Variants in SLC24A2 observed in about 807,000 individuals in gnomAD.
SLC24A2 encodes the protein solute carrier family 24 member 2.
Under a neutral mutation model 62.0 loss-of-function variants are expected in SLC24A2, and 36 were observed. The observed-to-expected ratio is 0.58, with a 90% CI of 0.44 to 0.77. The LOEUF (loss-of-function observed/expected upper bound fraction) is 0.77. SLC24A2 is among the 30% of genes least tolerant of loss of function. The pLI is 0.00. For synonymous variants in SLC24A2, 358 were observed against 294.0 expected (o/e 1.22, Z -2.23); for missense variants, 846 against 817.9 (o/e 1.03, Z -0.42).
chr9:19,941,899 G>C, the SLC24A2 span, among the ~76,000 whole-genome samples: 14 of 152,064 alleles, frequency 9.2e-5, no homozygotes, highest in African/African-American at 3.4e-4. Context: ...TTTGTGGCCT[G>C]TGTATGTGCA....
the SLC24A2 span, among the ~76,000 whole-genome samples, chr9:20,100,240 T>C: frequency 6.6e-6 from 1 of 152,100 alleles, no homozygotes; most frequent in Non-Finnish European, 1.5e-5. Flanking sequence ...TGTTTTGTTT[T>C]TGTAGAGACA....
At chr9:19,750,562 G>A (rs1821953297) in intron 2 of SLC24A2, among the ~76,000 whole-genome samples, 1 of 151,864 alleles carries the variant, frequency 6.6e-6, no homozygotes, top group South Asian at 2.1e-4. Context: ...ACAGCAAAAG[G>A]GTCTGAACTG....
At chr9:20,189,361 G>C in the SLC24A2 span, among the ~76,000 whole-genome samples, 1 of 152,150 alleles carries the variant, frequency 6.6e-6, no homozygotes, top group Non-Finnish European at 1.5e-5. Flanking sequence ...TGGAGGCTTG[G>C]TGGGGAAAGC....
the SLC24A2 span, among the ~76,000 whole-genome samples, chr9:19,795,135 G>T: frequency 1.3e-5 from 2 of 152,180 alleles, no homozygotes; most frequent in African/African-American, 4.8e-5. Flanking sequence ...GCTCGGTTGT[G>T]GAGAGGGGTC....
the SLC24A2 span, among the ~76,000 whole-genome samples, chr9:20,077,199 G>A: frequency 1.3e-5 from 2 of 151,970 alleles, no homozygotes; most frequent in Non-Finnish European, 2.9e-5. Flanking sequence ...GATATGTAGG[G>A]TGAAGGAGTC....
At chr9:19,860,992 C>A in the SLC24A2 span, among the ~76,000 whole-genome samples, 1 of 152,094 alleles carries the variant, frequency 6.6e-6, no homozygotes, top group East Asian at 1.9e-4. Context: ...CTGGACCCAC[C>A]CAGGGCCTAG....
At chr9:19,807,870 G>A in the SLC24A2 span, among the ~76,000 whole-genome samples, 1 of 151,960 alleles carries the variant, frequency 6.6e-6, no homozygotes, top group South Asian at 2.1e-4. Context: ...CTCGTTTTTT[G>A]TTTGTTTGTT....
chr9:19,826,045 A>G, the SLC24A2 span, among the ~76,000 whole-genome samples: 1 of 152,068 alleles, frequency 6.6e-6, no homozygotes, highest in Non-Finnish European at 1.5e-5. Flanking sequence ...CTCCTTGCTC[A>G]GGGGATGGAA....
chr9:19,832,403 C>T, the SLC24A2 span, among the ~76,000 whole-genome samples: 334 of 152,226 alleles, frequency 2.2e-3, no homozygotes, highest in Non-Finnish European at 3.6e-3. Context: ...TGATTAGTAA[C>T]GGATTCTGTC....
At chr9:19,542,060 C>T (rs535350757) in intron 8 of SLC24A2, among the ~76,000 whole-genome samples, 10 of 152,186 alleles carry the variant, frequency 6.6e-5, no homozygotes, top group South Asian at 2.1e-4. Context: ...CGCCCTGCTT[C>T]GGCTCGCGCA....
At chr9:20,057,931 A>G in the SLC24A2 span, among the ~76,000 whole-genome samples, 1 of 152,184 alleles carries the variant, frequency 6.6e-6, no homozygotes, top group Non-Finnish European at 1.5e-5. Flanking sequence ...TAGGCTATCA[A>G]AACTATTCCC....
At chr9:20,054,710 G>A in the SLC24A2 span, among the ~76,000 whole-genome samples, 5 of 152,186 alleles carry the variant, frequency 3.3e-5, no homozygotes, top group Admixed American at 6.5e-5. Context: ...ATAGGGTAAA[G>A]CTGTGTGAAT....
At chr9:20,030,194 T>C in the SLC24A2 span, among the ~76,000 whole-genome samples, 5 of 152,204 alleles carry the variant, frequency 3.3e-5, no homozygotes, top group Non-Finnish European at 7.3e-5. Flanking sequence ...ATTGAGTGAC[T>C]TGGCAATGGA....
intron 4 of SLC24A2, among the ~76,000 whole-genome samples, chr9:19,598,212 G>T (rs189085579): frequency 1.3e-5 from 2 of 152,248 alleles, no homozygotes; most frequent in African/African-American, 4.8e-5. Flanking sequence ...TATATTTTCT[G>T]GTCATAACAC....
the SLC24A2 span, among the ~76,000 whole-genome samples, chr9:20,234,316 G>C: frequency 6.6e-6 from 1 of 152,230 alleles, no homozygotes; most frequent in African/African-American, 2.4e-5. Context: ...ATATCCTGCA[G>C]AGTGTTTTCC....
chr9:20,282,155 A>C, the SLC24A2 span, among the ~76,000 whole-genome samples: 1 of 152,190 alleles, frequency 6.6e-6, no homozygotes, highest in African/African-American at 2.4e-5. Context: ...ACAAAAGGGA[A>C]AACAAATAAG....
chr9:19,547,960 A>G (rs1834665638), intron 8 of SLC24A2, among the ~76,000 whole-genome samples: 1 of 151,726 alleles, frequency 6.6e-6, no homozygotes, highest in Admixed American at 6.5e-5. Context: ...AGGCCTTTGC[A>G]TAGTGCAGAT....
At chr9:19,549,358 C>G (rs1163267794) in intron 8 of SLC24A2, among the ~76,000 whole-genome samples, 2 of 152,134 alleles carry the variant, frequency 1.3e-5, no homozygotes, top group Admixed American at 1.3e-4. Flanking sequence ...CTGACGTATT[C>G]TAGGTAAACT....
chr9:19,617,072 A>G (rs1817787230), intron 4 of SLC24A2, among the ~76,000 whole-genome samples: 1 of 152,162 alleles, frequency 6.6e-6, no homozygotes, highest in South Asian at 2.1e-4. Flanking sequence ...GCTTTTCTAC[A>G]CCAGACACTG....
Sources: gnomAD v4.1 joint callset for allele counts (sites outside exome capture counted in the v4.1 genomes callset) on GRCh38, gnomAD v4.1.1 for gene constraint, MANE v1.5 for transcripts, NCBI Gene and HGNC (gene_info 2026-07-23, HGNC 2026-07-21) for gene names.